Variants in PIK3CD observed in about 807,000 individuals in gnomAD.
PIK3CD encodes the protein phosphatidylinositol-4,5-bisphosphate 3-kinase catalytic subunit delta.
PIK3CD carries 20 observed loss-of-function variants against 122.9 expected under a neutral mutation model. The ratio of observed to expected loss-of-function variants is 0.16; its 90% CI spans 0.11 to 0.24. PIK3CD has a LOEUF of 0.24. PIK3CD is among the 10% of genes least tolerant of loss of function. The pLI, the probability that PIK3CD is intolerant of heterozygous loss-of-function variation, is 1.00. For synonymous variants in PIK3CD, 596 were observed against 593.4 expected (o/e 1.00, Z -0.06); for missense variants, 787 against 1,406.3 (o/e 0.56, Z 7.04).
At chr1:9,695,492 A>G (rs1336265271) in intron 2 of PIK3CD, among the ~76,000 whole-genome samples, 3 of 152,208 alleles carry the variant, frequency 2.0e-5, no homozygotes, top group Non-Finnish European at 4.4e-5. Flanking sequence ...AGAGAAAAAA[A>G]GGCCACATAC....
chr1:9,654,989 T>A (rs1644803475), intron 1 of PIK3CD, among the ~76,000 whole-genome samples: 1 of 149,282 alleles, frequency 6.7e-6, no homozygotes, highest in Non-Finnish European at 1.5e-5. Flanking sequence ...ATCGCTTCAA[T>A]CCGGGAGGTG....
intron 1 of PIK3CD, among the ~76,000 whole-genome samples, chr1:9,688,668 A>T (rs1338053338): frequency 6.6e-6 from 1 of 152,152 alleles, no homozygotes; most frequent in Non-Finnish European, 1.5e-5. Context: ...TCTACAAAAA[A>T]TTTTAAAAAA....
At chr1:9,697,450 T>C (rs1646463059) in intron 2 of PIK3CD, among the ~76,000 whole-genome samples, 1 of 151,896 alleles carries the variant, frequency 6.6e-6, no homozygotes, top group South Asian at 2.1e-4. Context: ...TCCCAGGACT[T>C]TGGGAGGCCA....
At chr1:9,681,083 G>C (rs907049227) in intron 1 of PIK3CD, 1 of 151,820 alleles carries the variant, frequency 6.6e-6, no homozygotes, top group African/African-American at 2.4e-5. Flanking sequence ...AGGGTGGCTT[G>C]AGTGTCCTTA....
the PIK3CD span, among the ~76,000 whole-genome samples, chr1:9,631,273 C>T: frequency 5.3e-5 from 8 of 152,336 alleles, no homozygotes; most frequent in Admixed American, 3.3e-4. Context: ...GGATCCAGGC[C>T]TCCCTTCCAG....
intron 1 of PIK3CD, chr1:9,688,267 C>T (rs1233737199): frequency 6.6e-6 from 1 of 152,430 alleles, no homozygotes; most frequent in Non-Finnish European, 1.5e-5. Flanking sequence ...AGGGCTGATT[C>T]TGGTGCTCGC....
the PIK3CD span, among the ~76,000 whole-genome samples, chr1:9,639,387 T>A: frequency 6.6e-6 from 1 of 152,038 alleles, no homozygotes; most frequent in Non-Finnish European, 1.5e-5. Context: ...CCCAGCTCCA[T>A]CCTGCTGAGC....
rs1646135188 is a variant in PIK3CD, at chr1:9,689,887, A to T, written c.-137-1580A>T. On this transcript the variant is annotated intron_variant, in intron 1 of 23. Transcript: ENST00000377346. The surrounding 1 kb of genome is among the most constrained non-coding windows in gnomAD (Gnocchi z 6.1). The stretch of plus-strand genomic sequence containing the variant: ...GGGGCCGTGGGGGCTTGGGGGGCCG[A>T]GGCAGGGGGTTGCGTTCGCGGTGGG... Among the ~76,000 whole-genome samples, 1 of 151,202 alleles carries T rather than the reference A, an allele frequency of 6.6e-6. No homozygotes were observed. The highest frequency in any genetic ancestry group is 1.5e-5 in the Non-Finnish European group (1 of 67,732).
chr1:9,717,506 G>A lies in PIK3CD; in HGVS notation c.931-31G>A, dbSNP rs369320950. On this transcript the variant is annotated intron_variant, in intron 7 of 23. Coordinates refer to ENST00000377346, the MANE Select transcript of PIK3CD (RefSeq NM_005026.5). The surrounding 1 kb of genome is among the most constrained non-coding windows in gnomAD (Gnocchi z 5.4). Reference sequence around the variant, plus strand: ...AGGGAGACAAGCTGCACTTTGAGCCGTGTTAACAGCCCTGCTTCCCCGGCC... The same window carrying A: ...AGGGAGACAAGCTGCACTTTGAGCCATGTTAACAGCCCTGCTTCCCCGGCC... 2.2e-4 allele frequency: 357 copies of A among 1,605,788 alleles called. No individual in the cohort carries two copies. The highest frequency in any genetic ancestry group is 2.9e-4 in the Non-Finnish European group (344 of 1,172,888).
intron 2 of PIK3CD, among the ~76,000 whole-genome samples, chr1:9,708,030 G>A (rs370268327): frequency 1.6e-4 from 25 of 151,938 alleles, no homozygotes; most frequent in African/African-American, 5.8e-4. Flanking sequence ...TCCTGACCTC[G>A]TGATCCACTC....
rs1250036297 is a variant in PIK3CD at position 9,727,634 on chromosome 1, T to C, written c.*588T>C. 2 of 217,636 alleles carry C rather than the reference T, an allele frequency of 9.2e-6. No individual in the cohort carries two copies. The highest frequency in any genetic ancestry group is 1.4e-4 in the East Asian group (2 of 13,816). 13.5% of individuals were successfully genotyped at this position (217,636 alleles called of 1,614,324 possible). On this transcript the variant is annotated 3_prime_UTR_variant, in exon 24 of 24. Coordinates refer to ENST00000377346, the MANE Select transcript of PIK3CD (RefSeq NM_005026.5). ...ATTTTGTTTGCAGGTAAGAAAATAA[T>C]AGATGACTCACCACACCTCTACGGC...
At chr1:9,646,267 A>G in the PIK3CD span, among the ~76,000 whole-genome samples, 1 of 152,230 alleles carries the variant, frequency 6.6e-6, no homozygotes, top group East Asian at 1.9e-4. Flanking sequence ...TGTACGTATC[A>G]GGGAGAAAAT....
Position 9,697,574 on chromosome 1 carries a change from T to G in PIK3CD, c.-33+6003T>G, listed in dbSNP as rs1057331725. Among the ~76,000 whole-genome samples, 28 of 150,334 alleles carry G rather than the reference T, an allele frequency of 1.9e-4. 1 individual carries two copies. Among genetic ancestry groups the G allele is most frequent in the Admixed American group, 6.6e-5 (1 of 15,076 alleles). On this transcript the variant is annotated intron_variant, in intron 2 of 23. Coordinates refer to ENST00000377346, the MANE Select transcript of PIK3CD (RefSeq NM_005026.5). ...ATTATTATTTAAAAAAAAAAAAAAG[T>G]TTTTTTTTAATTAGCTGGGTATGTG... is the stretch of plus-strand genomic sequence containing the variant.
Position 9,718,807 on chromosome 1 carries a change from C to G in PIK3CD, c.1134C>G (p.Asp378Glu). The G allele has an allele frequency of 6.2e-7, 1 of 1,612,318 alleles. No individual in the cohort carries two copies. The highest frequency in any genetic ancestry group is 2.2e-5 in the East Asian group (1 of 44,878). ...TGTGGAAGCAGCGGCTGGAGTTCGACATCAACATCTGCGACCTGCCCCGCA... is the reference window on the plus strand; with the variant it reads ...TGTGGAAGCAGCGGCTGGAGTTCGAGATCAACATCTGCGACCTGCCCCGCA... ...EPVWKQRLEF[D>E]INICDLPRMA... is the part of the protein sequence containing the mutation. Residue 378 changes from aspartate (D) to glutamate (E), a missense_variant, in exon 9 of 24, where the codon GAC becomes GAG. By Grantham distance (45) the Asp-to-Glu change is conservative. Around this residue, in one of 6 missense-constraint regions of PIK3CD, gnomAD observed 592 missense variants for 920.6 expected, o/e 0.64. Transcript: ENST00000377346. This position sits in a 1 kb window ranked among gnomAD's most constrained non-coding sequence, Gnocchi z 7.2.
intron 1 of PIK3CD, among the ~76,000 whole-genome samples, chr1:9,680,308 A>G (rs76637416): frequency 0.085 from 12,886 of 152,008 alleles, 751 homozygotes; most frequent in Middle Eastern, 0.12. Flanking sequence ...CAGTTATGCA[A>G]CCATCAGCAT....
At chr1:9,712,568 A>G (rs1289898363) in intron 3 of PIK3CD, among the ~76,000 whole-genome samples, 1 of 152,180 alleles carries the variant, frequency 6.6e-6, no homozygotes, top group Admixed American at 6.5e-5. Context: ...GCCGTGAGCC[A>G]TGGCACCCGG....
chr1:9,655,066 C>CA (rs201406696), intron 1 of PIK3CD, among the ~76,000 whole-genome samples: 46,430 of 124,596 alleles, frequency 0.37, 8,369 homozygotes, highest in East Asian at 0.72. Context: ...GACTACATTT[C>CA]AAAAAAAAAA....
chr1:9,674,747 G>A (rs1645452661), intron 1 of PIK3CD, among the ~76,000 whole-genome samples: 1 of 149,912 alleles, frequency 6.7e-6, no homozygotes, highest in Non-Finnish European at 1.5e-5. Context: ...AAAATACTAA[G>A]CTAGCCGGAC....
At position 9,715,724 on chromosome 1, in the gene PIK3CD, G is replaced by C; in HGVS notation, c.325G>C (p.Val109Leu). The change falls in exon 4 of 24, where the codon GTG (valine) becomes CTG (leucine). Residue 109 changes from valine (V) to leucine (L), a missense_variant. Physicochemically the swap from Val to Leu is conservative, Grantham distance 32. Coordinates refer to ENST00000377346, the MANE Select transcript of PIK3CD (RefSeq NM_005026.5). This position sits in a 1 kb window ranked among gnomAD's most constrained non-coding sequence, Gnocchi z 4.1. ...LRLVAREGDR[V>L]KKLINSQISL... The stretch of plus-strand genomic sequence containing the variant: ...CCTGGTGGCCCGTGAGGGCGACCGC[G>C]TGAAGAAGCTCATCAACTCACAGAT... The C allele has an allele frequency of 6.2e-7, 1 of 1,613,506 alleles. No homozygotes were observed. Among genetic ancestry groups the C allele is most frequent in the Non-Finnish European group, 8.5e-7 (1 of 1,180,014 alleles).
Sources: allele counts gnomAD v4.1 joint callset (sites outside exome capture counted in the v4.1 genomes callset), GRCh38; gene constraint gnomAD v4.1.1; regional missense constraint gnomAD v4.1.1; non-coding constraint Gnocchi (gnomAD v3.1); transcripts MANE v1.5; gene names NCBI Gene and HGNC (gene_info 2026-07-23, HGNC 2026-07-21).